The following ATF7 variants were observed in gnomAD, a reference collection of about 807,000 sequenced individuals.
ATF7 encodes activating transcription factor 7, also known as cyclic AMP-dependent transcription factor ATF-7.
ATF7 carries 10 observed loss-of-function variants against 50.4 expected under a neutral mutation model. The ratio of observed to expected loss-of-function variants is 0.20; its 90% CI spans 0.12 to 0.34. The LOEUF (loss-of-function observed/expected upper bound fraction) is 0.34. Among genes scored for constraint, ATF7 ranks in the 10% least tolerant of loss-of-function variants. The pLI, the probability that ATF7 is intolerant of heterozygous loss-of-function variation, is 1.00. For missense variants in ATF7, 465 were observed against 613.9 expected, an observed-to-expected ratio of 0.76 and a Z score of 2.56; for synonymous variants, 201 against 226.4, an observed-to-expected ratio of 0.89 and a Z score of 1.01.
At chr12:53,576,733 G>A (rs965469410) in intron 2 of ATF7, among the ~76,000 whole-genome samples, 18 of 151,882 alleles carry the variant, frequency 1.2e-4, no homozygotes, top group Middle Eastern at 6.3e-3. Context: ...AACAAGAAAC[G>A]CTACAGATAA....
intron 4 of ATF7, 90 bp from the exon 5 acceptor site, chr12:53,537,642 GCTT>G (rs1274952812): frequency 2.8e-6 from 4 of 1,451,726 alleles, no homozygotes; most frequent in Non-Finnish European, 3.7e-6. Flanking sequence ...AAGGGAATAT[GCTT>G]CTAAGAAGTT....
At chr12:53,586,760 T>C (rs969283884) in intron 2 of ATF7, among the ~76,000 whole-genome samples, 3 of 152,178 alleles carry the variant, frequency 2.0e-5, no homozygotes, top group Admixed American at 6.5e-5. Flanking sequence ...TACTTTTTTA[T>C]AGGAACTCCT....
intron 2 of ATF7, among the ~76,000 whole-genome samples, chr12:53,564,388 A>C (rs183802566): frequency 3.3e-4 from 51 of 152,314 alleles, no homozygotes; most frequent in Non-Finnish European, 5.9e-4. Context: ...AATATAAACT[A>C]AACTCAACTA....
At chr12:53,509,785 C>T (rs112961215), downstream of ATF7, among the ~76,000 whole-genome samples, 2 of 152,168 alleles carry the variant, frequency 1.3e-5, no homozygotes, top group African/African-American at 4.8e-5. Flanking sequence ...GGATTACAGG[C>T]GTGAGCCACC....
intron 2 of ATF7, among the ~76,000 whole-genome samples, chr12:53,585,547 C>T (rs954561974): frequency 1.3e-5 from 2 of 151,998 alleles, no homozygotes; most frequent in African/African-American, 2.4e-5. Context: ...AAAGGAAGAG[C>T]ATAAATGAAA....
At chr12:53,538,936 A>G (rs943111864) in intron 4 of ATF7, among the ~76,000 whole-genome samples, 16 of 152,174 alleles carry the variant, frequency 1.1e-4, no homozygotes, top group African/African-American at 3.9e-4. Context: ...GCTAATTCTG[A>G]GATCTCTTAA....
intron 2 of ATF7, among the ~76,000 whole-genome samples, chr12:53,554,650 G>A (rs533336595): frequency 2.7e-4 from 41 of 151,382 alleles, no homozygotes; most frequent in Middle Eastern, 3.4e-3. Flanking sequence ...ATCACTTAAG[G>A]TAAGGAGTTC....
intron 2 of ATF7, among the ~76,000 whole-genome samples, chr12:53,596,061 G>C (rs1943137823): frequency 6.6e-6 from 1 of 152,166 alleles, no homozygotes; most frequent in African/African-American, 2.4e-5. Context: ...CACTTTGGAA[G>C]ACCAAGAGGG....
chr12:53,522,202 A>G (rs975004799), intron 11 of ATF7, among the ~76,000 whole-genome samples: 1 of 152,190 alleles, frequency 6.6e-6, no homozygotes, highest in African/African-American at 2.4e-5. Context: ...TGTACCCTAT[A>G]TCCCAATGTA....
chr12:53,561,329 T>A (rs1264891075), intron 2 of ATF7, among the ~76,000 whole-genome samples: 6 of 134,470 alleles, frequency 4.5e-5, no homozygotes, highest in Admixed American at 1.5e-4. Flanking sequence ...ACTGTCTCTT[T>A]AAAAAAAAAA....
chr12:53,573,397 T>C (rs1353977920), intron 2 of ATF7, among the ~76,000 whole-genome samples: 2 of 152,202 alleles, frequency 1.3e-5, no homozygotes, highest in African/African-American at 2.4e-5. Context: ...TATCCTCCTA[T>C]ATACTTTAAA....
intron 1 of ATF7, among the ~76,000 whole-genome samples, chr12:53,602,604 A>T (rs2137831178): frequency 6.6e-6 from 1 of 152,352 alleles, no homozygotes; most frequent in African/African-American, 2.4e-5. Context: ...CTACAGCACT[A>T]CTGTAATGGA....
intron 11 of ATF7, among the ~76,000 whole-genome samples, chr12:53,518,696 C>T (rs370683353): frequency 1.3e-5 from 2 of 152,196 alleles, no homozygotes; most frequent in East Asian, 3.8e-4. Flanking sequence ...AAAAGGCAAA[C>T]GTTCCATAGT....
intron 1 of ATF7, among the ~76,000 whole-genome samples, chr12:53,618,203 A>G (rs984655243): frequency 6.6e-6 from 1 of 152,094 alleles, no homozygotes; most frequent in South Asian, 2.1e-4. Flanking sequence ...TTTTCTTTAC[A>G]GTCTATTTTT....
intron 11 of ATF7, among the ~76,000 whole-genome samples, chr12:53,519,827 A>G (rs1211375673): frequency 1.3e-5 from 2 of 151,972 alleles, no homozygotes; most frequent in Admixed American, 1.3e-4. Context: ...GCTCACTGCA[A>G]TCTCTGCCTC....
intron 2 of ATF7, among the ~76,000 whole-genome samples, chr12:53,583,050 C>T (rs768375070): frequency 1.3e-5 from 2 of 152,188 alleles, no homozygotes; most frequent in South Asian, 4.1e-4. Flanking sequence ...AAAAATGAAT[C>T]TAGACACATG....
chr12:53,524,586 G>A lies in ATF7; in HGVS notation c.1103C>T (p.Thr368Ile). The A allele has an allele frequency of 6.2e-7, 1 of 1,613,954 alleles. No homozygotes were observed. Among genetic ancestry groups the A allele is most frequent in the Non-Finnish European group, 8.5e-7 (1 of 1,179,904 alleles). Residue 368 changes from threonine (T) to isoleucine (I), a missense_variant, in exon 10 of 12, where the codon ACT becomes ATT. By Grantham distance (89) the Thr-to-Ile change is moderately conservative (BLOSUM62 -1). Coordinates refer to ENST00000420353, the MANE Select transcript of ATF7 (RefSeq NM_006856.3). This position sits in a 1 kb window ranked among gnomAD's most constrained non-coding sequence, Gnocchi z 4.6. ...CACACTCAGCTGAATGTTCTGAGAA[G>A]TGAGTTCTTCGGCCTTCTTCTCTAG... ...SSLEKKAEELTSQNIQLSNEV... is the reference protein window; with the variant it reads ...SSLEKKAEELISQNIQLSNEV...
At chr12:53,535,923 C>A (rs1263303841) in intron 5 of ATF7, among the ~76,000 whole-genome samples, 2 of 151,898 alleles carry the variant, frequency 1.3e-5, no homozygotes, top group African/African-American at 4.8e-5. Flanking sequence ...GAGGCTGAAG[C>A]AAGAGAATTG....
chr12:53,561,888 T>C (rs1941140979), intron 2 of ATF7, among the ~76,000 whole-genome samples: 1 of 152,070 alleles, frequency 6.6e-6, no homozygotes, highest in African/African-American at 2.4e-5. Context: ...AGCGACATAA[T>C]TTATAGAGGA....
Sources: gnomAD v4.1 joint callset for allele counts (sites outside exome capture counted in the v4.1 genomes callset) on GRCh38, gnomAD v4.1.1 for gene constraint, Gnocchi (gnomAD v3.1) non-coding constraint, MANE v1.5 for transcripts, NCBI Gene and HGNC (gene_info 2026-07-23, HGNC 2026-07-21) for gene names.